TRPM3: variants seen among roughly 807,000 people sequenced by gnomAD.
TRPM3 encodes the protein long transient receptor potential channel 3.
A neutral mutation model predicts 181.2 loss-of-function variants in TRPM3; 77 were observed. The observed-to-expected ratio is 0.42, with a 90% CI of 0.35 to 0.51. The LOEUF (loss-of-function observed/expected upper bound fraction) is 0.51. Among genes scored for constraint, TRPM3 ranks in the 20% least tolerant of loss-of-function variants. TRPM3 has a pLI of 0.01. For missense variants in TRPM3, 1,759 were observed against 2,196.7 expected (o/e 0.80, Z 3.98); for synonymous variants, 745 against 796.4 (o/e 0.94, Z 1.09).
intron 1 of TRPM3, among the ~76,000 whole-genome samples, chr9:71,040,864 A>T (rs189159279): frequency 1.3e-5 from 2 of 152,264 alleles, no homozygotes; most frequent in East Asian, 1.9e-4. Flanking sequence ...AAATATTGAC[A>T]GAGTTGACCA....
At chr9:70,664,634 G>A (rs902218144) in intron 9 of TRPM3, among the ~76,000 whole-genome samples, 3 of 137,232 alleles carry the variant, frequency 2.2e-5, no homozygotes, top group African/African-American at 8.3e-5. Context: ...ACCCGATTAG[G>A]AGAGTAGTTT....
intron 1 of TRPM3, among the ~76,000 whole-genome samples, chr9:71,048,816 G>A (rs2059751537): frequency 6.6e-6 from 1 of 152,122 alleles, no homozygotes; most frequent in East Asian, 1.9e-4. Context: ...ACCTCACCTG[G>A]ATGCTGATGT....
chr9:70,933,816 C>G (rs1311592907), intron 1 of TRPM3, among the ~76,000 whole-genome samples: 2 of 151,392 alleles, frequency 1.3e-5, no homozygotes, highest in Non-Finnish European at 2.9e-5. Flanking sequence ...AGAGAAAAGG[C>G]ATAACTTATA....
chr9:70,558,291 G>A (rs550334227), intron 22 of TRPM3, among the ~76,000 whole-genome samples: 1 of 152,200 alleles, frequency 6.6e-6, no homozygotes, highest in South Asian at 2.1e-4. Context: ...TTTTTCTTAA[G>A]TCGATTTCAA....
At chr9:71,081,179 G>A (rs533561885) in intron 1 of TRPM3, among the ~76,000 whole-genome samples, 50 of 152,288 alleles carry the variant, frequency 3.3e-4, no homozygotes, top group African/African-American at 1.1e-3. Flanking sequence ...CAAGTATAAA[G>A]AGGAGCAATG....
intron 6 of TRPM3, among the ~76,000 whole-genome samples, chr9:70,805,077 T>G (rs1434577774): frequency 1.3e-5 from 2 of 152,128 alleles, no homozygotes; most frequent in African/African-American, 4.8e-5. Flanking sequence ...AATTATTTTA[T>G]CAGTGGTTAC....
chr9:70,976,210 G>A (rs926312823), intron 1 of TRPM3, among the ~76,000 whole-genome samples: 1 of 152,036 alleles, frequency 6.6e-6, no homozygotes, highest in Non-Finnish European at 1.5e-5. Context: ...CATGACACAT[G>A]GGTCAAGAAG....
chr9:71,440,129 T>A (rs1484425345), intron 1 of TRPM3, among the ~76,000 whole-genome samples: 2 of 149,018 alleles, frequency 1.3e-5, no homozygotes, highest in Non-Finnish European at 2.9e-5. Context: ...TCTCAAAAAA[T>A]AAATAAATAA....
At chr9:70,925,262 CA>C (rs1285790385) in intron 1 of TRPM3, among the ~76,000 whole-genome samples, 1 of 152,158 alleles carries the variant, frequency 6.6e-6, no homozygotes, top group Non-Finnish European at 1.5e-5. Context: ...TAAAATTGCT[CA>C]AACATAAAAC....
chr9:70,619,986 T>C (rs1205093009), intron 16 of TRPM3, 90 bp downstream of exon 16: 2 of 1,354,950 alleles, frequency 1.5e-6, no homozygotes, highest in East Asian at 2.3e-5. Context: ...TGATTTCCCT[T>C]AAAGTTCTGA....
intron 9 of TRPM3, among the ~76,000 whole-genome samples, chr9:70,661,646 T>C (rs10119438): frequency 0.39 from 58,404 of 151,594 alleles, 11,731 homozygotes; most frequent in African/African-American, 0.49. Flanking sequence ...ACACCAAAAA[T>C]GACCAAGCTG....
chr9:70,916,888 G>C, intron 1 of TRPM3: 2 of 696,982 alleles, frequency 2.9e-6, no homozygotes, highest in South Asian at 4.3e-5. Context: ...AGTCAGTGCT[G>C]GCAGATGGGG....
rs190007078 is a variant in TRPM3, at chr9:70,607,746, G to A, written c.2667+2863C>T. Among the ~76,000 whole-genome samples the A allele has an allele frequency of 1.6e-4, 25 of 152,256 alleles. No homozygotes were observed. In the East Asian group the frequency reaches 2.9e-3, roughly 18 times the overall value. On this transcript the variant is annotated intron_variant, in intron 19 of 25. Coordinates refer to ENST00000677713, the MANE Select transcript of TRPM3 (RefSeq NM_001366145.2). ...ACAAAACTCCCTTGTCATCATGGACGTTTTAGAGATATTGATACTATTATT... is the reference window on the plus strand; with the variant it reads ...ACAAAACTCCCTTGTCATCATGGACATTTTAGAGATATTGATACTATTATT...
intron 8 of TRPM3, among the ~76,000 whole-genome samples, chr9:70,758,689 G>A (rs1015754130): frequency 6.6e-6 from 1 of 151,938 alleles, no homozygotes; most frequent in Admixed American, 6.6e-5. Flanking sequence ...AATCTACAAC[G>A]ATCTGATCTT....
chr9:71,311,296 C>A (rs1279057443), intron 1 of TRPM3, among the ~76,000 whole-genome samples: 1 of 152,056 alleles, frequency 6.6e-6, no homozygotes, highest in African/African-American at 2.4e-5. Flanking sequence ...AACATGAGAG[C>A]AACATGTTCA....
intron 1 of TRPM3, among the ~76,000 whole-genome samples, chr9:71,026,518 T>C (rs12341540): frequency 0.044 from 6,727 of 152,238 alleles, 238 homozygotes; most frequent in African/African-American, 0.096. Flanking sequence ...GGCAGCCATG[T>C]TTGCAGAGGA....
intron 6 of TRPM3, among the ~76,000 whole-genome samples, chr9:70,815,923 A>T (rs1173100823): frequency 6.6e-6 from 1 of 152,226 alleles, no homozygotes; most frequent in Non-Finnish European, 1.5e-5. Flanking sequence ...GAGCCAAGAA[A>T]TTGTTTTACA....
At chr9:70,676,858 G>A (rs1042173848) in intron 9 of TRPM3, among the ~76,000 whole-genome samples, 4 of 152,074 alleles carry the variant, frequency 2.6e-5, no homozygotes, top group East Asian at 1.9e-4. Flanking sequence ...CATGGAAACT[G>A]GAAACCGTCT....
At chr9:71,431,741 AT>A (rs1387490128) in intron 1 of TRPM3, among the ~76,000 whole-genome samples, 1 of 152,206 alleles carries the variant, frequency 6.6e-6, no homozygotes, top group African/African-American at 2.4e-5. Context: ...TAACTTGTGC[AT>A]CAAAATAAAA....
Sources: gnomAD v4.1 joint callset for allele counts (sites outside exome capture counted in the v4.1 genomes callset) on GRCh38, gnomAD v4.1.1 for gene constraint, MANE v1.5 for transcripts, NCBI Gene and HGNC (gene_info 2026-07-23, HGNC 2026-07-21) for gene names.